The following ZMIZ1 variants were observed in gnomAD, a reference collection of about 807,000 sequenced individuals.
The protein encoded by ZMIZ1 is zinc finger MIZ-type containing 1.
Under a neutral mutation model 113.9 loss-of-function variants are expected in ZMIZ1, and 17 were observed. That is an observed-to-expected ratio of 0.15 (90% CI 0.10 to 0.22). The LOEUF (loss-of-function observed/expected upper bound fraction) is 0.22. ZMIZ1 is among the 10% of genes least tolerant of loss of function. The pLI is 1.00. For missense variants in ZMIZ1, 1,059 were observed against 1,477.8 expected (o/e 0.72, Z 4.65); for synonymous variants, 607 against 603.1 (o/e 1.01, Z -0.09).
Position 79,293,885 on chromosome 10 carries a change from A to C in ZMIZ1, c.1230+232A>C, listed in dbSNP as rs1260460692. The C allele has an allele frequency of 9.3e-6, 6 of 647,076 alleles. No individual in the cohort carries two copies. In the African/African-American group the frequency reaches 1.1e-4, roughly 12 times the overall value. The allele number at this position is 647,076 out of a possible 1,614,324, so 40.1% of individuals were successfully genotyped here. On this transcript the variant is annotated intron_variant, in intron 12 of 24. Coordinates refer to ENST00000334512, the MANE Select transcript of ZMIZ1 (RefSeq NM_020338.4). ...CTCCTAGGGCTGCTTGAGGGACTTG[A>C]GGAGGTGTCCGTGAAGTGCTTGGCC...
chr10:79,120,309 A>G (rs1172187000), intron 2 of ZMIZ1, among the ~76,000 whole-genome samples: 1 of 152,222 alleles, frequency 6.6e-6, no homozygotes, highest in Non-Finnish European at 1.5e-5. Flanking sequence ...TCGTGTTGGA[A>G]CTACACACAT....
chr10:79,255,909 A>G (rs1481746651), intron 7 of ZMIZ1, among the ~76,000 whole-genome samples: 1 of 152,244 alleles, frequency 6.6e-6, no homozygotes, highest in Non-Finnish European at 1.5e-5. Context: ...CGCATTGTAA[A>G]TCGGAAGACA....
intron 1 of ZMIZ1, among the ~76,000 whole-genome samples, chr10:79,077,277 C>T (rs1490003675): frequency 3.3e-5 from 5 of 151,960 alleles, no homozygotes; most frequent in Admixed American, 1.3e-4. Flanking sequence ...AACCACTCAG[C>T]GACCTAGCCA....
At chr10:79,311,301 T>TGGGGGGGG in intron 24 of ZMIZ1, 117 bp downstream of exon 24, 1 of 116,960 alleles carries the variant, frequency 8.5e-6, no homozygotes, top group Non-Finnish European at 1.6e-5. Context: ...GGGTGGGCGG[T>TGGGGGGGG]GGGAGGGCTT....
Position 79,104,609 on chromosome 10 carries a change from C to G in ZMIZ1, c.-336-14306C>G, listed in dbSNP as rs189968779. On this transcript the variant is annotated intron_variant, in intron 1 of 24. Transcript: ENST00000334512. ...TCCAGAGGTTGCCTTCTTTCCCTGT[C>G]TTTCTCCAGTTTGTAGCCAGAATCC... Among the ~76,000 whole-genome samples, 198 of 152,314 alleles carry G rather than the reference C, an allele frequency of 1.3e-3. 3 individuals are homozygous for G. The highest frequency in any genetic ancestry group is 4.5e-3 in the African/African-American group (188 of 41,558).
chr10:79,123,972 T>C (rs1304091681), intron 2 of ZMIZ1, among the ~76,000 whole-genome samples: 2 of 152,246 alleles, frequency 1.3e-5, no homozygotes, highest in African/African-American at 4.8e-5. Flanking sequence ...GCGTGAAATC[T>C]GTGGCCTGCA....
intron 1 of ZMIZ1, among the ~76,000 whole-genome samples, chr10:79,086,101 A>AC (rs1373897374): frequency 2.0e-5 from 3 of 151,872 alleles, no homozygotes; most frequent in Non-Finnish European, 4.4e-5. Flanking sequence ...CCTACTCCAG[A>AC]CCCCCAGGAT....
chr10:79,224,069 C>G (rs1849103774), intron 7 of ZMIZ1, among the ~76,000 whole-genome samples: 1 of 152,106 alleles, frequency 6.6e-6, no homozygotes, highest in South Asian at 2.1e-4. Context: ...AACGAGGTCT[C>G]CAAAGAATGA....
At chr10:79,112,133 T>TTGGCAGTGGGACGTGC (rs1315202686) in intron 1 of ZMIZ1, among the ~76,000 whole-genome samples, 2 of 152,138 alleles carry the variant, frequency 1.3e-5, no homozygotes, top group Non-Finnish European at 2.9e-5. Context: ...ACTTGAAGAT[T>TTGGCAGTGGGACGTGC]TGGCAGTGGG....
At chr10:79,113,242 C>T (rs2132301275) in intron 1 of ZMIZ1, among the ~76,000 whole-genome samples, 1 of 152,352 alleles carries the variant, frequency 6.6e-6, no homozygotes, top group African/African-American at 2.4e-5. Flanking sequence ...GGCTCAGTGG[C>T]AGGAGGGAGC....
chr10:79,310,074 C>A (rs911914912), intron 23 of ZMIZ1, among the ~76,000 whole-genome samples: 1 of 152,140 alleles, frequency 6.6e-6, no homozygotes, highest in Non-Finnish European at 1.5e-5. Flanking sequence ...CAGGAGGGTG[C>A]GAGTCCTCTA....
At chr10:79,158,163 G>T (rs1348483669) in intron 3 of ZMIZ1, among the ~76,000 whole-genome samples, 1 of 152,196 alleles carries the variant, frequency 6.6e-6, no homozygotes, top group Non-Finnish European at 1.5e-5. Flanking sequence ...GTCTGCATCT[G>T]CACACCCCGT....
intron 15 of ZMIZ1, 95 bp downstream of exon 15, chr10:79,298,675 C>A: frequency 8.4e-7 from 1 of 1,185,364 alleles, no homozygotes; most frequent in South Asian, 1.4e-5. Context: ...GGGGAGTGGG[C>A]ATCAGAAGGG....
At chr10:79,211,905 A>G (rs927340029) in intron 6 of ZMIZ1, among the ~76,000 whole-genome samples, 8 of 152,222 alleles carry the variant, frequency 5.3e-5, no homozygotes, top group African/African-American at 1.9e-4. Flanking sequence ...GTTTCACATC[A>G]GCAGGCCTCT....
intron 7 of ZMIZ1, among the ~76,000 whole-genome samples, chr10:79,264,555 T>A (rs1016478725): frequency 4.6e-5 from 7 of 152,140 alleles, no homozygotes; most frequent in African/African-American, 1.7e-4. Flanking sequence ...GCCAGCAAAT[T>A]TTTATCCCTA....
At chr10:79,300,602 G>GA (rs1337677499) in intron 16 of ZMIZ1, 130 bp from the exon 17 acceptor site, 12 of 1,170,872 alleles carry the variant, frequency 1.0e-5, no homozygotes, top group Admixed American at 2.2e-5. Flanking sequence ...AATCATTGGG[G>GA]TCAGGGATGG....
chr10:79,193,259 C>A (rs1847683801), intron 4 of ZMIZ1, among the ~76,000 whole-genome samples: 1 of 152,202 alleles, frequency 6.6e-6, no homozygotes, highest in Non-Finnish European at 1.5e-5. Context: ...TCTGCTATTG[C>A]TACCTAATTT....
chr10:79,094,530 G>C (rs1420597050), intron 1 of ZMIZ1, among the ~76,000 whole-genome samples: 5 of 152,228 alleles, frequency 3.3e-5, no homozygotes, highest in Non-Finnish European at 7.3e-5. Flanking sequence ...GTTATTTTGA[G>C]AATGAAGTGA....
intron 2 of ZMIZ1, among the ~76,000 whole-genome samples, chr10:79,124,442 C>G (rs1037043379): frequency 4.6e-5 from 7 of 152,238 alleles, no homozygotes; most frequent in African/African-American, 1.7e-4. Flanking sequence ...TATGTGTTTT[C>G]CCTACCACAA....
Sources: allele counts gnomAD v4.1 joint callset (sites outside exome capture counted in the v4.1 genomes callset), GRCh38; gene constraint gnomAD v4.1.1; transcripts MANE v1.5; gene names NCBI Gene and HGNC (gene_info 2026-07-23, HGNC 2026-07-21).